The following SHROOM3 variants were observed in gnomAD, a reference collection of about 807,000 sequenced individuals.
SHROOM3 encodes the protein shroom family member 3, also known as protein Shroom3.
Under a neutral mutation model 138.6 loss-of-function variants are expected in SHROOM3, and 47 were observed. The ratio of observed to expected loss-of-function variants is 0.34; its 90% confidence interval spans 0.27 to 0.43. The LOEUF is 0.43. SHROOM3 is among the 20% of genes least tolerant of loss of function. SHROOM3 has a pLI of 1.00. For missense variants in SHROOM3, 2,491 were observed against 2,596.5 expected (o/e 0.96, Z 0.88); for synonymous variants, 1,062 against 1,063.3 (o/e 1.00, Z 0.02).
At chr4:76,737,847 T>A in intron 4 of SHROOM3, among the ~76,000 whole-genome samples, 1 of 152,294 alleles carries the variant, frequency 6.6e-6, no homozygotes, top group East Asian at 1.9e-4. Context: ...TATTGTTGAG[T>A]TTTAAGTGAT....
intron 2 of SHROOM3, among the ~76,000 whole-genome samples, chr4:76,674,972 G>C (rs1718990517): frequency 6.6e-6 from 1 of 152,160 alleles, no homozygotes; most frequent in African/African-American, 2.4e-5. Context: ...CCGGCTGCCA[G>C]GGGTCCTTCT....
At chr4:76,605,822 T>C (rs1198287257) in intron 2 of SHROOM3, among the ~76,000 whole-genome samples, 2 of 151,286 alleles carry the variant, frequency 1.3e-5, no homozygotes, top group South Asian at 4.1e-4. Context: ...GAAATTCTAA[T>C]AGCTACCATT....
chr4:76,682,762 G>A (rs1385301299), intron 2 of SHROOM3, among the ~76,000 whole-genome samples: 3 of 152,152 alleles, frequency 2.0e-5, no homozygotes, highest in East Asian at 1.9e-4. Flanking sequence ...TCTAAGTCAC[G>A]TCTAGCACTG....
intron 4 of SHROOM3, among the ~76,000 whole-genome samples, chr4:76,736,546 A>G (rs1046847102): frequency 6.6e-6 from 1 of 152,244 alleles, no homozygotes; most frequent in Non-Finnish European, 1.5e-5. Flanking sequence ...TACTTGACCA[A>G]TAAGACACTA....
rs1322367160 is a variant in SHROOM3 at position 76,555,614 on chromosome 4, A to G, written c.174A>G (p.Glu58=). ...HGEPLIISKV[E]EGGKADTLSS... ...GCATCTCTCCCTCCAAGCAGGTCGAAGAAGGGGGCAAAGCAGACACCCTGA... is the reference window on the plus strand; with the variant it reads ...GCATCTCTCCCTCCAAGCAGGTCGAGGAAGGGGGCAAAGCAGACACCCTGA... The change falls in exon 2 of 11, where the codon GAA becomes GAG. Residue 58 remains glutamate (E), a synonymous_variant. Transcript: ENST00000296043. 6.2e-7 allele frequency: 1 copy of G among 1,613,612 alleles called. No individual in the cohort carries two copies. The highest frequency in any genetic ancestry group is 8.5e-7 in the Non-Finnish European group (1 of 1,179,998).
At chr4:76,544,406 G>GTTTTT (rs1560540155) in intron 1 of SHROOM3, among the ~76,000 whole-genome samples, 2 of 96,004 alleles carry the variant, frequency 2.1e-5, no homozygotes, top group Non-Finnish European at 5.0e-5. Context: ...TAGCTCAATG[G>GTTTTT]CTTTTTTTTT....
At chr4:76,611,814 G>A (rs1734768742) in intron 2 of SHROOM3, among the ~76,000 whole-genome samples, 1 of 152,168 alleles carries the variant, frequency 6.6e-6, no homozygotes, top group Admixed American at 6.5e-5. Context: ...CACACCCTGT[G>A]CTGGCTCCAG....
chr4:76,659,441 A>G (rs1230305156), intron 2 of SHROOM3, among the ~76,000 whole-genome samples: 1 of 152,244 alleles, frequency 6.6e-6, no homozygotes, highest in Non-Finnish European at 1.5e-5. Context: ...CATATTGGTC[A>G]TTTGGGTTTA....
chr4:76,637,021 A>G (rs1025126320), intron 2 of SHROOM3, among the ~76,000 whole-genome samples: 4 of 152,226 alleles, frequency 2.6e-5, no homozygotes, highest in South Asian at 2.1e-4. Context: ...TCTTGTTTCT[A>G]TCAATTAGCC....
At chr4:76,690,293 A>G (rs1446235127) in intron 2 of SHROOM3, among the ~76,000 whole-genome samples, 2 of 152,208 alleles carry the variant, frequency 1.3e-5, no homozygotes, top group South Asian at 2.1e-4. Flanking sequence ...GAGTGGTTAC[A>G]AAATTTCAAC....
chr4:76,597,534 C>T (rs1341782772), intron 2 of SHROOM3, among the ~76,000 whole-genome samples: 1 of 152,026 alleles, frequency 6.6e-6, no homozygotes, highest in African/African-American at 2.4e-5. Context: ...AATTCCCACG[C>T]ACCCACCCTC....
intron 2 of SHROOM3, among the ~76,000 whole-genome samples, chr4:76,609,405 C>T (rs1260179522): frequency 6.6e-6 from 1 of 152,156 alleles, no homozygotes; most frequent in Non-Finnish European, 1.5e-5. Context: ...GCTTCAGCCT[C>T]CTGGGTAGCT....
At chr4:76,556,405 T>C (rs1421291090) in intron 2 of SHROOM3, among the ~76,000 whole-genome samples, 1 of 152,226 alleles carries the variant, frequency 6.6e-6, no homozygotes, top group Non-Finnish European at 1.5e-5. Flanking sequence ...ATTTTACACA[T>C]CTTAGCTCAT....
intron 2 of SHROOM3, among the ~76,000 whole-genome samples, chr4:76,646,249 A>ATATATATATATATATAT (rs1735818893): frequency 1.3e-5 from 1 of 79,446 alleles, no homozygotes; most frequent in African/African-American, 5.8e-5. Flanking sequence ...TATATATATA[A>ATATATATATATATATAT]AATTAAAAAA....
intron 2 of SHROOM3, among the ~76,000 whole-genome samples, chr4:76,692,280 T>C (rs1036039512): frequency 4.6e-5 from 7 of 152,204 alleles, no homozygotes; most frequent in African/African-American, 1.7e-4. Flanking sequence ...AAAGAAGGAA[T>C]AGGGGCATGA....
chr4:76,766,455 T>C (rs967609151), intron 9 of SHROOM3, among the ~76,000 whole-genome samples: 8 of 152,212 alleles, frequency 5.3e-5, no homozygotes, highest in African/African-American at 1.9e-4. Context: ...GCAGGGTCTA[T>C]GAAGCTATGT....
At chr4:76,600,944 C>T (rs1450834114) in intron 2 of SHROOM3, among the ~76,000 whole-genome samples, 1 of 152,178 alleles carries the variant, frequency 6.6e-6, no homozygotes, top group Non-Finnish European at 1.5e-5. Context: ...CAAACAGAAT[C>T]AGGGACTAGG....
intron 1 of SHROOM3, among the ~76,000 whole-genome samples, chr4:76,526,169 C>G (rs970552352): frequency 2.6e-5 from 4 of 152,150 alleles, no homozygotes; most frequent in Non-Finnish European, 5.9e-5. Context: ...AGATTCAAGA[C>G]CAGCCTGGCC....
At chr4:76,522,401 T>C (rs1732584834) in intron 1 of SHROOM3, among the ~76,000 whole-genome samples, 1 of 151,862 alleles carries the variant, frequency 6.6e-6, no homozygotes, top group African/African-American at 2.4e-5. Context: ...AGAGGTAAAA[T>C]GTCATGCCTA....
Sources: allele counts gnomAD v4.1 joint callset (sites outside exome capture counted in the v4.1 genomes callset), GRCh38; gene constraint gnomAD v4.1.1; transcripts MANE v1.5; gene names NCBI Gene and HGNC (gene_info 2026-07-23, HGNC 2026-07-21).